Variants in MALRD1 observed in about 807,000 individuals in gnomAD.
The protein encoded by MALRD1 is MAM and LDL receptor class A domain containing 1, also known as MAM and LDL-receptor class A domain-containing protein 1.
In MALRD1, 247 loss-of-function variants were observed where a neutral mutation model predicts 242.1. The observed-to-expected ratio is 1.02, with a 90% CI of 0.92 to 1.13. The LOEUF (loss-of-function observed/expected upper bound fraction) is 1.13. Among genes scored for constraint, MALRD1 ranks in the 50% most tolerant of loss-of-function variants. The pLI, the probability that MALRD1 is intolerant of heterozygous loss-of-function variation, is 0.00. For synonymous variants in MALRD1, 995 were observed against 866.6 expected (o/e 1.15, Z -2.60); for missense variants, 2,989 against 2,533.1 (o/e 1.18, Z -3.86).
chr10:19,194,454 C>A (rs1836141346), intron 14 of MALRD1, among the ~76,000 whole-genome samples: 1 of 152,150 alleles, frequency 6.6e-6, no homozygotes, highest in African/African-American at 2.4e-5. Context: ...GCTACTCAGG[C>A]AGCCTTGATT....
intron 18 of MALRD1, among the ~76,000 whole-genome samples, chr10:19,222,847 A>G (rs1837621090): frequency 6.6e-6 from 1 of 152,182 alleles, no homozygotes; most frequent in South Asian, 2.1e-4. Context: ...TCAGTGGAAA[A>G]TCAATGTGTC....
intron 29 of MALRD1, among the ~76,000 whole-genome samples, chr10:19,475,966 C>G (rs1049079312): frequency 6.6e-6 from 1 of 152,162 alleles, no homozygotes; most frequent in Admixed American, 6.5e-5. Context: ...TTACACACAT[C>G]AGTGATTATT....
At chr10:19,454,799 T>C (rs72784351) in intron 29 of MALRD1, among the ~76,000 whole-genome samples, 2,321 of 152,090 alleles carry the variant, frequency 0.015, 25 homozygotes, top group South Asian at 0.026. Flanking sequence ...TTATCTACTT[T>C]AGCTGCAAAT....
At chr10:19,413,278 T>C (rs1213724064) in intron 28 of MALRD1, among the ~76,000 whole-genome samples, 2 of 152,174 alleles carry the variant, frequency 1.3e-5, no homozygotes, top group Non-Finnish European at 2.9e-5. Context: ...CATGATTATA[T>C]TGTGTAAAGT....
At chr10:19,431,113 A>C (rs550362382) in intron 28 of MALRD1, among the ~76,000 whole-genome samples, 2 of 152,268 alleles carry the variant, frequency 1.3e-5, no homozygotes, top group East Asian at 3.9e-4. Flanking sequence ...TCACGTATGT[A>C]TTAAGCCCAT....
intron 28 of MALRD1, among the ~76,000 whole-genome samples, chr10:19,405,248 A>T (rs1269054550): frequency 6.6e-6 from 1 of 152,186 alleles, no homozygotes; most frequent in African/African-American, 2.4e-5. Context: ...TATGAACAAA[A>T]TTATTACCTT....
chr10:19,254,267 G>A (rs1014981685), intron 18 of MALRD1, among the ~76,000 whole-genome samples: 2 of 152,022 alleles, frequency 1.3e-5, no homozygotes, highest in Non-Finnish European at 2.9e-5. Context: ...GAGGTTCACA[G>A]CTGTTGTTGC....
intron 36 of MALRD1, among the ~76,000 whole-genome samples, chr10:19,653,883 G>T (rs1307934207): frequency 1.3e-5 from 2 of 152,038 alleles, no homozygotes; most frequent in Non-Finnish European, 2.9e-5. Context: ...GCTAATTTGG[G>T]CACTCCTTTG....
chr10:19,133,731 A>G, intron 8 of MALRD1, 125 bp from the exon 9 acceptor site: 2 of 411,018 alleles, frequency 4.9e-6, no homozygotes, highest in Non-Finnish European at 8.3e-6. Flanking sequence ...AAGACTTTAG[A>G]TTTCCTAGTA....
intron 29 of MALRD1, among the ~76,000 whole-genome samples, chr10:19,467,980 G>T (rs565096357): frequency 5.9e-5 from 9 of 152,098 alleles, no homozygotes; most frequent in Non-Finnish European, 8.8e-5. Context: ...GTTTAGTAGA[G>T]ACTGGGTTTC....
chr10:19,173,001 T>A (rs1209990908), intron 13 of MALRD1, among the ~76,000 whole-genome samples: 1 of 152,036 alleles, frequency 6.6e-6, no homozygotes, highest in East Asian at 1.9e-4. Flanking sequence ...CTAATCAGAA[T>A]CTTAAAAATT....
At chr10:19,137,810 T>A (rs1163432111) in intron 10 of MALRD1, among the ~76,000 whole-genome samples, 1 of 152,148 alleles carries the variant, frequency 6.6e-6, no homozygotes, top group African/African-American at 2.4e-5. Context: ...ATGATTCTCA[T>A]ATGAGGTAAC....
At chr10:19,490,217 T>C (rs541196415) in intron 29 of MALRD1, among the ~76,000 whole-genome samples, 2 of 152,252 alleles carry the variant, frequency 1.3e-5, no homozygotes, top group Admixed American at 1.3e-4. Flanking sequence ...AAAAAATATC[T>C]TTTTATCTTT....
rs1203667035 is a variant in MALRD1, at chr10:19,323,940, C to A, written c.3420-9C>A. 4 of 1,550,120 alleles carry A rather than the reference C, an allele frequency of 2.6e-6. No homozygotes were observed. Among genetic ancestry groups the A allele is most frequent in the Non-Finnish European group, 3.5e-6 (4 of 1,146,608 alleles). ...ATTCCTTTTATAATATGATAAATTCCTTTTCCAGAAATACCACTGATGGCT... is the reference window on the plus strand; with the variant it reads ...ATTCCTTTTATAATATGATAAATTCATTTTCCAGAAATACCACTGATGGCT... On this transcript the variant is annotated splice_polypyrimidine_tract_variant and intron_variant, in intron 21 of 39. Transcript: ENST00000454679.
In MALRD1 at chr10:19,498,593, T is replaced by C. The variant is rs755353570; in HGVS notation, c.5267T>C (p.Ile1756Thr). The C allele has an allele frequency of 3.9e-6, 6 of 1,550,060 alleles. No individual in the cohort carries two copies. Among genetic ancestry groups the C allele is most frequent in the South Asian group, 3.6e-5 (3 of 84,014 alleles). ...QDSEDDLDWA[I>T]GSRIPAKALI... is the part of the protein sequence containing the mutation. The stretch of plus-strand genomic sequence containing the variant: ...TCTGAGGATGACTTGGACTGGGCCA[T>C]TGGCAGCAGAATTCCTGCCAAAGCA... Residue 1756 changes from isoleucine (I) to threonine (T), a missense_variant, in exon 31 of 40, where the codon ATT (isoleucine) becomes ACT (threonine). Ile to Thr is a moderately conservative substitution (Grantham distance 89). Coordinates refer to ENST00000454679, the MANE Select transcript of MALRD1 (RefSeq NM_001142308.3).
intron 34 of MALRD1, among the ~76,000 whole-genome samples, chr10:19,604,691 A>C (rs1452070320): frequency 6.6e-6 from 1 of 152,174 alleles, no homozygotes; most frequent in South Asian, 2.1e-4. Flanking sequence ...GCCACATAGG[A>C]CTTCCACAGC....
chr10:19,499,006 T>A (rs929004437), intron 31 of MALRD1, among the ~76,000 whole-genome samples: 4 of 152,194 alleles, frequency 2.6e-5, no homozygotes, highest in Non-Finnish European at 4.4e-5. Flanking sequence ...AGTTATCCTG[T>A]TGTGACAATG....
chr10:19,381,870 T>G (rs1845852934), intron 26 of MALRD1, among the ~76,000 whole-genome samples: 1 of 151,748 alleles, frequency 6.6e-6, no homozygotes, highest in Non-Finnish European at 1.5e-5. Context: ...TGATTATCAT[T>G]AATATTATAG....
chr10:19,288,162 T>G (rs1237611122), intron 21 of MALRD1, among the ~76,000 whole-genome samples: 3 of 151,936 alleles, frequency 2.0e-5, no homozygotes, highest in Non-Finnish European at 4.4e-5. Flanking sequence ...CTGAAACCTC[T>G]AGTTTTAATT....
Sources: gnomAD v4.1 joint callset for allele counts (sites outside exome capture counted in the v4.1 genomes callset) on GRCh38, gnomAD v4.1.1 for gene constraint, MANE v1.5 for transcripts, NCBI Gene and HGNC (gene_info 2026-07-23, HGNC 2026-07-21) for gene names.